The following PCDH7 variants were observed in gnomAD, a reference collection of about 807,000 sequenced individuals.
PCDH7 encodes protocadherin 7, also known as protocadherin-7.
In PCDH7, 17 loss-of-function variants were observed where a neutral mutation model predicts 58.9. The observed-to-expected ratio is 0.29, with a 90% CI of 0.20 to 0.43. PCDH7 has a LOEUF of 0.43. Ranked by LOEUF, PCDH7 falls within the 20% of genes least tolerant of loss-of-function variation. PCDH7 has a pLI of 1.00. For missense variants in PCDH7, 1,274 were observed against 1,441.0 expected (o/e 0.88, Z 1.88); for synonymous variants, 664 against 616.4 (o/e 1.08, Z -1.14).
intron 1 of PCDH7, among the ~76,000 whole-genome samples, chr4:30,768,818 A>C (rs1721055404): frequency 6.6e-6 from 1 of 152,208 alleles, no homozygotes. Flanking sequence ...ACAAAAAGTA[A>C]GGACCAACAG....
intron 1 of PCDH7, among the ~76,000 whole-genome samples, chr4:30,916,295 T>C (rs1742464100): frequency 6.6e-6 from 1 of 152,210 alleles, no homozygotes; most frequent in African/African-American, 2.4e-5. Context: ...GCCTTCAACA[T>C]TTCTTCTTCC....
chr4:30,833,416 T>C (rs2109332291), intron 1 of PCDH7, among the ~76,000 whole-genome samples: 1 of 152,290 alleles, frequency 6.6e-6, no homozygotes, highest in African/African-American at 2.4e-5. Flanking sequence ...TCTCAAATTC[T>C]TATCACTCTG....
rs5857208 is a variant in PCDH7, at chr4:30,864,432, A to AACACACACACACAC, written c.71-55697_71-55684dup. The stretch of plus-strand genomic sequence containing the variant: ...ATCTTAGAAAGAAAAATTATTGGAG[A>AACACACACACACAC]ACACACACACACACACACACACACA... On this transcript the variant is annotated intron_variant, in intron 1 of 3. Coordinates refer to the PCDH7 transcript ENST00000509759. Among the ~76,000 whole-genome samples, 222 of 146,662 alleles carry AACACACACACACAC rather than the reference A, an allele frequency of 1.5e-3. 1 individual carries two copies. Among genetic ancestry groups the AACACACACACACAC allele is most frequent in the Non-Finnish European group, 1.9e-3 (129 of 66,422 alleles).
chr4:30,721,451 C>T lies in PCDH7; in HGVS notation c.29C>T (p.Ala10Val), dbSNP rs1271865377. The change falls in exon 1 of 2, where the codon GCG becomes GTG. Residue 10 changes from alanine to valine, a missense_variant. This residue lies in a region of PCDH7 where 212 missense variants were observed against 255.8 expected (regional missense o/e 0.83). Transcript: ENST00000361762. This position sits in a 1 kb window ranked among gnomAD's most constrained non-coding sequence, Gnocchi z 6.7. ...CTGAGGATGCGGACCGCGGGATGGGCGCGCGGCTGGTGCTTGGGCTGCTGC... is the reference window on the plus strand; with the variant it reads ...CTGAGGATGCGGACCGCGGGATGGGTGCGCGGCTGGTGCTTGGGCTGCTGC... 2 of 1,542,790 alleles carry T rather than the reference C, an allele frequency of 1.3e-6. No individual in the cohort carries two copies. Among genetic ancestry groups the T allele is most frequent in the Admixed American group, 1.9e-5 (1 of 52,812 alleles).
At position 30,946,526 on chromosome 4, in the gene PCDH7, C is replaced by CTT. The variant is rs113948298; in HGVS notation, c.288-3585_288-3584dup. On this transcript the variant is annotated intron_variant, in intron 2 of 3. Transcript: ENST00000509759. ...ATGTTTTAACTTCCCTTTCCATAAA[C>CTT]TTTTTTTTTTCTTTTCTGCAGCAAC... Among the ~76,000 whole-genome samples the CTT allele has an allele frequency of 6.6e-5, 10 of 150,746 alleles. No homozygotes were observed. The South Asian group carries it at 1.0e-3, about 16-fold the overall frequency.
At chr4:30,857,437 T>C (rs1733615566) in intron 1 of PCDH7, among the ~76,000 whole-genome samples, 1 of 152,136 alleles carries the variant, frequency 6.6e-6, no homozygotes, top group South Asian at 2.1e-4. Flanking sequence ...AGTTAACTTT[T>C]AATGTGGAGC....
At chr4:30,728,872 CAT>C (rs1276160318) in intron 1 of PCDH7, among the ~76,000 whole-genome samples, 2 of 151,092 alleles carry the variant, frequency 1.3e-5, no homozygotes, top group South Asian at 2.1e-4. Context: ...CACACAGAGA[CAT>C]ATACACACAT....
rs59448559 is a variant in PCDH7 at position 30,953,518 on chromosome 4, A to G, written c.*7+3303A>G. ...ATGGGCTTCCACAGTTTATGTTCTT[A>G]TATTTAGTCAGCTTGAAGAAACTAG... On this transcript the variant is annotated intron_variant, in intron 3 of 3. Coordinates refer to the PCDH7 transcript ENST00000509759. 9.0e-3 allele frequency among the ~76,000 whole-genome samples: 1,360 copies of G among 151,920 alleles called. 18 individuals are homozygous for G. The highest frequency in any genetic ancestry group is 0.031 in the African/African-American group (1,288 of 41,458).
chr4:31,080,860 C>T (rs1759443189), intron 3 of PCDH7, among the ~76,000 whole-genome samples: 2 of 152,128 alleles, frequency 1.3e-5, no homozygotes, highest in Admixed American at 1.3e-4. Context: ...ATCATGGGGG[C>T]AGTTTTCTCC....
chr4:30,928,572 A>G (rs1346254372), intron 2 of PCDH7, among the ~76,000 whole-genome samples: 1 of 152,206 alleles, frequency 6.6e-6, no homozygotes, highest in Non-Finnish European at 1.5e-5. Context: ...CCTTGATCAC[A>G]GTAACTTAAT....
chr4:31,033,289 C>CA (rs1348273229), intron 3 of PCDH7, among the ~76,000 whole-genome samples: 3 of 152,190 alleles, frequency 2.0e-5, no homozygotes, highest in Non-Finnish European at 2.9e-5. Context: ...CTATGTGCAG[C>CA]AGCCTAACAA....
intron 1 of PCDH7, among the ~76,000 whole-genome samples, chr4:30,799,485 AT>A (rs1156797712): frequency 6.6e-6 from 1 of 152,180 alleles, no homozygotes; most frequent in Non-Finnish European, 1.5e-5. Context: ...CATGCATATA[AT>A]TTTCAAAATG....
chr4:31,002,803 T>C (rs1289882729), intron 3 of PCDH7, among the ~76,000 whole-genome samples: 3 of 152,194 alleles, frequency 2.0e-5, no homozygotes, highest in Non-Finnish European at 4.4e-5. Flanking sequence ...TAGCCCCAAA[T>C]ATTTTGACAT....
intron 3 of PCDH7, among the ~76,000 whole-genome samples, chr4:31,004,613 G>T (rs903233309): frequency 6.6e-6 from 1 of 152,000 alleles, no homozygotes; most frequent in Non-Finnish European, 1.5e-5. Context: ...TTGAACCCGG[G>T]AGGTGGAGGT....
chr4:31,086,592 A>G (rs1712473078), intron 3 of PCDH7, among the ~76,000 whole-genome samples: 1 of 152,220 alleles, frequency 6.6e-6, no homozygotes, highest in Non-Finnish European at 1.5e-5. Flanking sequence ...AGTAGTATAG[A>G]GAAAATTCCA....
chr4:30,733,894 T>C (rs888804223), downstream of PCDH7, among the ~76,000 whole-genome samples: 3 of 152,180 alleles, frequency 2.0e-5, no homozygotes, highest in Non-Finnish European at 4.4e-5. Flanking sequence ...TTTCAAACAT[T>C]TTGAGTCACA....
At chr4:30,849,113 G>A (rs964866826) in intron 1 of PCDH7, among the ~76,000 whole-genome samples, 2 of 152,050 alleles carry the variant, frequency 1.3e-5, no homozygotes, top group African/African-American at 2.4e-5. Context: ...AAATAGCATA[G>A]GGAAGTCTAT....
chr4:31,096,928 T>TGTGTGTG (rs5857221), intron 3 of PCDH7, among the ~76,000 whole-genome samples: 3,528 of 151,600 alleles, frequency 0.023, 51 homozygotes, highest in Middle Eastern at 0.041. Flanking sequence ...TGTGTGTGTG[T>TGTGTGTG]TGTGAATAAG....
chr4:30,780,551 T>C (rs1722645822), intron 1 of PCDH7, among the ~76,000 whole-genome samples: 1 of 151,962 alleles, frequency 6.6e-6, no homozygotes, highest in African/African-American at 2.4e-5. Context: ...ATAGTTGTTT[T>C]TATAAAAACA....
Sources: allele counts gnomAD v4.1 joint callset (sites outside exome capture counted in the v4.1 genomes callset), GRCh38; gene constraint gnomAD v4.1.1; regional missense constraint gnomAD v4.1.1; non-coding constraint Gnocchi (gnomAD v3.1); transcripts MANE v1.5; gene names NCBI Gene and HGNC (gene_info 2026-07-23, HGNC 2026-07-21).